Variants in PATE3 observed in about 807,000 individuals in gnomAD.
PATE3 encodes prostate and testis expressed protein 3.
Under a neutral mutation model 7.4 loss-of-function variants are expected in PATE3, and 7 were observed. The observed-to-expected ratio is 0.95, with a 90% CI of 0.54 to 1.78. The LOEUF (loss-of-function observed/expected upper bound fraction) is 1.78. Ranked by LOEUF, PATE3 falls within the 40% of genes most tolerant of loss-of-function variation. The pLI is 0.00. For synonymous variants in PATE3, 38 were observed against 40.2 expected, an observed-to-expected ratio of 0.94 and a Z score of 0.21; for missense variants, 117 against 122.5, an observed-to-expected ratio of 0.96 and a Z score of 0.21.
chr11:125,789,720 A>C (rs908363114), intron 2 of PATE3, among the ~76,000 whole-genome samples: 11 of 152,276 alleles, frequency 7.2e-5, no homozygotes, highest in African/African-American at 2.6e-4. Context: ...AAAACTGACC[A>C]AACAGATTTT....
Position 125,790,695 on chromosome 11 carries a change from C to A in PATE3, c.*93C>A. 7.9e-7 allele frequency: 1 copy of A among 1,271,114 alleles called. No homozygotes were observed. The highest frequency in any genetic ancestry group is 2.6e-5 in the East Asian group (1 of 38,980). The allele number at this position is 1,271,114 out of a possible 1,614,324, so 78.7% of individuals were successfully genotyped here. A position where few individuals can be genotyped will look rare whatever the true frequency, so the allele number is the denominator to read the frequency against. On this transcript the variant is annotated 3_prime_UTR_variant, in exon 3 of 3. Coordinates refer to ENST00000445202, the MANE Select transcript of PATE3 (RefSeq NM_001129883.4). Reference sequence around the variant, plus strand: ...GCCCTTGCTTCCCTTCCGTGTCTGTCCTGACAATACCCCTGCCCTCGCATT... The same window carrying A: ...GCCCTTGCTTCCCTTCCGTGTCTGTACTGACAATACCCCTGCCCTCGCATT...
chr11:125,791,429 G>A lies in PATE3; in HGVS notation c.*827G>A, dbSNP rs1943610096. 6.6e-6 allele frequency: 1 copy of A among 152,224 alleles called. No individual in the cohort carries two copies. The highest frequency in any genetic ancestry group is 1.5e-5 in the Non-Finnish European group (1 of 68,084). The allele number at this position is 152,224 out of a possible 1,614,324, so 9.4% of individuals were successfully genotyped here. On this transcript the variant is annotated 3_prime_UTR_variant, in exon 3 of 3. Transcript: ENST00000445202. ...TTGCCCCATGCGTCAGATGGCACCT[G>A]AGGCATATAACCTAGGGTGGGCTGC...
intron 1 of PATE3, among the ~76,000 whole-genome samples, 174 bp downstream of exon 1, chr11:125,788,374 C>T (rs1943582058): frequency 1.3e-5 from 2 of 152,170 alleles, no homozygotes; most frequent in Admixed American, 6.5e-5. Flanking sequence ...CCATCCTTTT[C>T]AGCCTCCTGC....
intron 2 of PATE3, among the ~76,000 whole-genome samples, 170 bp from the exon 3 acceptor site, chr11:125,790,308 T>C (rs982754557): frequency 2.6e-5 from 4 of 152,192 alleles, no homozygotes; most frequent in African/African-American, 7.2e-5. Flanking sequence ...CTGCAGCTGA[T>C]CAGTGGCCTC....
intron 1 of PATE3, 132 bp from the exon 2 acceptor site, chr11:125,789,254 A>G (rs2134182238): frequency 2.2e-6 from 2 of 893,868 alleles, no homozygotes; most frequent in East Asian, 2.7e-5. Flanking sequence ...TACCGCCTAA[A>G]TACCCCAACC....
At chr11:125,789,322 T>G in intron 1 of PATE3, 64 bp from the exon 2 acceptor site, 1 of 1,478,844 alleles carries the variant, frequency 6.8e-7, no homozygotes, top group South Asian at 1.3e-5. Context: ...CATCTGAATA[T>G]TTCTAACTCC....
At chr11:125,789,752 C>A (rs996535730) in intron 2 of PATE3, among the ~76,000 whole-genome samples, 3 of 152,120 alleles carry the variant, frequency 2.0e-5, no homozygotes, top group Admixed American at 6.5e-5. Context: ...CGACACATAA[C>A]AATTGTTCAT....
Position 125,789,399 on chromosome 11 carries a change from T to G in PATE3, c.63T>G (p.Leu21=). ...TGCTCTCTCCAGCAGTGACATCACT[T>G]CAGTGCATAACATGCCACCTTCGCA... ...LYCLIVAVTS[L]QCITCHLRTR... is the part of the protein sequence containing the mutation. The change falls in exon 2 of 3, where the codon CTT becomes CTG. Residue 21 remains leucine (L), a synonymous_variant. Transcript: ENST00000445202. The G allele has an allele frequency of 3.2e-6, 5 of 1,551,502 alleles. No individual in the cohort carries two copies. The highest frequency in any genetic ancestry group is 3.5e-6 in the Non-Finnish European group (4 of 1,146,802).
Position 125,791,432 on chromosome 11 carries a change from G to A in PATE3, c.*830G>A, listed in dbSNP as rs1382765610. On this transcript the variant is annotated 3_prime_UTR_variant, in exon 3 of 3. Transcript: ENST00000445202. ...CCCCATGCGTCAGATGGCACCTGAG[G>A]CATATAACCTAGGGTGGGCTGCCTT... The A allele has an allele frequency of 2.0e-5, 3 of 152,158 alleles. No individual in the cohort carries two copies. The highest frequency in any genetic ancestry group is 2.9e-5 in the Non-Finnish European group (2 of 68,072). The allele number at this position is 152,158 out of a possible 1,614,324, so 9.4% of individuals were successfully genotyped here.
rs1299573318 is a variant in PATE3 at position 125,791,092 on chromosome 11, CTTCAAACTCAACCATTGTGATT to C, written c.*494_*515del. 6.6e-6 allele frequency: 1 copy of C among 152,660 alleles called. No homozygotes were observed. The highest frequency in any genetic ancestry group is 1.5e-5 in the Non-Finnish European group (1 of 68,448). 9.5% of individuals were successfully genotyped at this position (152,660 alleles called of 1,614,324 possible). On this transcript the variant is annotated 3_prime_UTR_variant, in exon 3 of 3. Coordinates refer to ENST00000445202, the MANE Select transcript of PATE3 (RefSeq NM_001129883.4). ...TATTTCTACCAGCAGGCAGTGCCCA[CTTCAAACTCAACCATTGTGATT>C]TTCTTGGCATTTACAAACTACATCC...
chr11:125,789,282 C>T (rs79402356), intron 1 of PATE3, 104 bp from the exon 2 acceptor site: 78,187 of 1,225,942 alleles, frequency 0.064, 3,061 homozygotes, highest in African/African-American at 0.15. Context: ...CTTCATCTGC[C>T]TGCCCCCTCC....
chr11:125,788,715 T>C (rs1471544467), intron 1 of PATE3, among the ~76,000 whole-genome samples: 2 of 152,152 alleles, frequency 1.3e-5, no homozygotes, highest in South Asian at 2.1e-4. Context: ...CTCTGTACCT[T>C]TGGTTGCTCA....
In PATE3 at chr11:125,790,716, G is replaced by T. The variant is rs773222441; in HGVS notation, c.*114G>T. 8 of 1,110,800 alleles carry T rather than the reference G, an allele frequency of 7.2e-6. No homozygotes were observed. Among genetic ancestry groups the T allele is most frequent in the South Asian group, 5.1e-5 (3 of 59,284 alleles). 68.8% of individuals were successfully genotyped at this position (1,110,800 alleles called of 1,614,324 possible). A position where few individuals can be genotyped will look rare whatever the true frequency, so the allele number is the denominator to read the frequency against. On this transcript the variant is annotated 3_prime_UTR_variant, in exon 3 of 3. Coordinates refer to ENST00000445202, the MANE Select transcript of PATE3 (RefSeq NM_001129883.4). ...CTGTCCTGACAATACCCCTGCCCTCGCATTAACCTAAGAAGACTAAACTAG... is the reference window on the plus strand; with the variant it reads ...CTGTCCTGACAATACCCCTGCCCTCTCATTAACCTAAGAAGACTAAACTAG...
chr11:125,789,401 A>G lies in PATE3; in HGVS notation c.65A>G (p.Gln22Arg), dbSNP rs1943591059. 6.4e-7 allele frequency: 1 copy of G among 1,551,380 alleles called. No homozygotes were observed. The highest frequency in any genetic ancestry group is 1.4e-5 in the African/African-American group (1 of 73,022). Residue 22 changes from glutamine (Q) to arginine (R), a missense_variant, in exon 2 of 3, where the codon CAG (glutamine) becomes CGG (arginine). Transcript: ENST00000445202. ...YCLIVAVTSL[Q>R]CITCHLRTRT... ...CTCTCTCCAGCAGTGACATCACTTC[A>G]GTGCATAACATGCCACCTTCGCACA...
intron 1 of PATE3, among the ~76,000 whole-genome samples, chr11:125,788,497 C>A (rs1271445689): frequency 6.6e-6 from 1 of 152,146 alleles, no homozygotes; most frequent in Non-Finnish European, 1.5e-5. Context: ...TTAGGACATC[C>A]TTTTTATTTG....
At chr11:125,789,294 C>A (rs1943590169) in intron 1 of PATE3, 92 bp from the exon 2 acceptor site, 2 of 1,336,868 alleles carry the variant, frequency 1.5e-6, no homozygotes, top group African/African-American at 2.9e-5. Flanking sequence ...GCCCCCTCCA[C>A]TATTCATTCC....
In PATE3 at chr11:125,788,920, G is replaced by T. The variant is rs548257160; in HGVS notation, c.50-466G>T. Among the ~76,000 whole-genome samples, 7 of 152,258 alleles carry T rather than the reference G, an allele frequency of 4.6e-5. No homozygotes were observed. The East Asian group carries it at 1.4e-3, about 29-fold the overall frequency. On this transcript the variant is annotated intron_variant, in intron 1 of 2. Transcript: ENST00000445202. ...TCACCCCGCAGAACCTCATAAAAGT[G>T]TCACTTATGGTACTATTATTGATGA...
At chr11:125,790,389 A>G in intron 2 of PATE3, 89 bp from the exon 3 acceptor site, 3 of 1,344,558 alleles carry the variant, frequency 2.2e-6, no homozygotes, top group Non-Finnish European at 3.0e-6. Context: ...CCCTAATTAA[A>G]TTTTCACCAA....
intron 2 of PATE3, among the ~76,000 whole-genome samples, chr11:125,789,718 CCAAA>C (rs967172117): frequency 8.5e-5 from 13 of 152,114 alleles, no homozygotes; most frequent in African/African-American, 3.1e-4. Flanking sequence ...AGAAAACTGA[CCAAA>C]CAGATTTTTT....
Sources: allele counts gnomAD v4.1 joint callset (sites outside exome capture counted in the v4.1 genomes callset), GRCh38; gene constraint gnomAD v4.1.1; transcripts MANE v1.5; gene names NCBI Gene and HGNC (gene_info 2026-07-23, HGNC 2026-07-21).